The following DRC3 variants were observed in gnomAD, a reference collection of about 807,000 sequenced individuals.
The protein encoded by DRC3 is leucine rich repeat containing 48.
In DRC3, 45 loss-of-function variants were observed where a neutral mutation model predicts 57.6. The ratio of observed to expected loss-of-function variants is 0.78; its 90% confidence interval spans 0.62 to 1.00. The LOEUF (loss-of-function observed/expected upper bound fraction) is 1.00, where lower values mean the gene tolerates loss of function less well. Among genes scored for constraint, DRC3 ranks in the 50% least tolerant of loss-of-function variants. The pLI is 0.00. For missense variants in DRC3, 655 were observed against 675.2 expected (o/e 0.97, Z 0.33); for synonymous variants, 257 against 272.3 (o/e 0.94, Z 0.55).
At chr17:17,988,139 G>A in intron 5 of DRC3, 41 bp downstream of exon 5, 1 of 1,585,684 alleles carries the variant, frequency 6.3e-7, no homozygotes, top group Non-Finnish European at 8.6e-7. Flanking sequence ...CACCTGCAGA[G>A]CCTTGGAGCG....
At chr17:17,988,721 C>T (rs1378575269) in intron 5 of DRC3, among the ~76,000 whole-genome samples, 1 of 152,194 alleles carries the variant, frequency 6.6e-6, no homozygotes, top group Admixed American at 6.5e-5. Context: ...TTGAAGATTC[C>T]TTTTCTGCTT....
At chr17:17,977,932 A>G (rs2042464523) in intron 3 of DRC3, 174 bp downstream of exon 3, 2 of 564,678 alleles carry the variant, frequency 3.5e-6, no homozygotes, top group East Asian at 3.2e-5. Context: ...GTAAAGCGTC[A>G]TACTTAGTGT....
rs779863673 is a variant in DRC3, at chr17:17,983,837, G to T, written c.170G>T (p.Arg57Leu). 1 of 1,611,440 alleles carries T rather than the reference G, an allele frequency of 6.2e-7. No individual in the cohort carries two copies. The highest frequency in any genetic ancestry group is 8.5e-7 in the Non-Finnish European group (1 of 1,178,018). The change falls in exon 4 of 14, where the codon CGC becomes CTC. Residue 57 changes from arginine (R) to leucine (L), a missense_variant. Coordinates refer to ENST00000399187, the MANE Select transcript of DRC3 (RefSeq NM_031294.4). ...SLQLDFRNIL[R>L]IDNLWQFENL... Reference sequence around the variant, plus strand: ...CCTTCCATTATTTCAGACATCCTCCGCATAGACAACCTCTGGCAGTTTGAG... The same window carrying T: ...CCTTCCATTATTTCAGACATCCTCCTCATAGACAACCTCTGGCAGTTTGAG...
intron 6 of DRC3, chr17:17,994,050 T>G: frequency 2.3e-6 from 1 of 428,072 alleles, no homozygotes; most frequent in Non-Finnish European, 4.3e-6. Flanking sequence ...AACCCCAGCC[T>G]GCCACGCTGC....
intron 12 of DRC3, chr17:18,011,511 C>T (rs988416457): frequency 2.8e-5 from 5 of 180,976 alleles, no homozygotes; most frequent in Admixed American, 6.4e-5. Flanking sequence ...CAGGCTGCTG[C>T]GGCTCTGTGC....
intron 3 of DRC3, among the ~76,000 whole-genome samples, chr17:17,979,205 G>T (rs149161799): frequency 6.6e-6 from 1 of 152,150 alleles, no homozygotes; most frequent in Non-Finnish European, 1.5e-5. Flanking sequence ...GCTGGACCCC[G>T]CCTTATCATC....
chr17:17,978,009 C>G (rs1276121720), intron 3 of DRC3: 6 of 380,808 alleles, frequency 1.6e-5, no homozygotes, highest in African/African-American at 1.3e-4. Context: ...ATAAAATTGT[C>G]CCACGCCAAA....
intron 12 of DRC3, among the ~76,000 whole-genome samples, chr17:18,009,014 A>G (rs1300150185): frequency 6.6e-6 from 1 of 152,014 alleles, no homozygotes; most frequent in African/African-American, 2.4e-5. Flanking sequence ...GCTGACCACC[A>G]TTCCTGTGGC....
chr17:17,992,521 A>G (rs1329431714), intron 5 of DRC3, among the ~76,000 whole-genome samples: 2 of 152,070 alleles, frequency 1.3e-5, no homozygotes, highest in African/African-American at 2.4e-5. Flanking sequence ...GTCTCACCAC[A>G]TGGTTCAGCA....
intron 12 of DRC3, among the ~76,000 whole-genome samples, chr17:18,014,563 A>AT (rs1451055719): frequency 2.0e-5 from 3 of 152,166 alleles, no homozygotes; most frequent in Admixed American, 6.5e-5. Flanking sequence ...TTCATAACCA[A>AT]TTCTAATCAT....
At chr17:17,976,688 A>G (rs1465832974) in intron 2 of DRC3, among the ~76,000 whole-genome samples, 2 of 152,126 alleles carry the variant, frequency 1.3e-5, no homozygotes, top group East Asian at 3.8e-4. Context: ...AAAATAAATT[A>G]ATTAAATTAA....
intron 9 of DRC3, among the ~76,000 whole-genome samples, chr17:18,003,312 G>A (rs1039763726): frequency 2.6e-5 from 4 of 151,224 alleles, no homozygotes; most frequent in Admixed American, 1.3e-4. Flanking sequence ...GTGAAACCCC[G>A]TCTCTACTAA....
At chr17:18,011,487 C>A in intron 12 of DRC3, 1 of 188,030 alleles carries the variant, frequency 5.3e-6, no homozygotes, top group South Asian at 7.7e-5. Flanking sequence ...CCCACACTGT[C>A]CCTTGCAAGA....
At position 17,973,890 on chromosome 17, in the gene DRC3, G is replaced by T. The variant is rs1052650555; in HGVS notation, c.-90G>T. The T allele has an allele frequency of 6.6e-6, 1 of 152,252 alleles. No individual in the cohort carries two copies. The highest frequency in any genetic ancestry group is 1.9e-4 in the East Asian group (1 of 5,200). 9.4% of individuals were successfully genotyped at this position (152,252 alleles called of 1,614,324 possible). A position where few individuals can be genotyped will look rare whatever the true frequency, so the allele number is the denominator to read the frequency against. On this transcript the variant is annotated 5_prime_UTR_variant, in exon 2 of 14. Coordinates refer to ENST00000399187, the MANE Select transcript of DRC3 (RefSeq NM_031294.4). ...CTGTTATCTGTGAGGAGGCCACTCC[G>T]TTGACAGTTGTGTAAAACTCTGCTG...
rs1046062123 is a variant in DRC3, at chr17:17,987,214, C to CAAA, written c.278-695_278-693dup. Among the ~76,000 whole-genome samples the CAAA allele has an allele frequency of 3.0e-3, 136 of 44,954 alleles. 1 individual carries two copies. The highest frequency in any genetic ancestry group is 4.9e-3 in the African/African-American group (52 of 10,602). The allele number at this position is 44,954 out of a possible 152,430, so 29.5% of individuals were successfully genotyped here. On this transcript the variant is annotated intron_variant, in intron 4 of 13. Transcript: ENST00000399187. ...TGCACAACAGAGCGAGACCCTGTCTCAAAAAAAAAAAAAAAAAAAAAAAAA... is the reference window on the plus strand; with the variant it reads ...TGCACAACAGAGCGAGACCCTGTCTCAAAAAAAAAAAAAAAAAAAAAAAAAAAA...
chr17:17,992,342 T>C (rs1025148174), intron 5 of DRC3, among the ~76,000 whole-genome samples: 3 of 152,244 alleles, frequency 2.0e-5, no homozygotes, highest in African/African-American at 4.8e-5. Flanking sequence ...CCTATGCTGG[T>C]AACAGCAACT....
chr17:17,983,898 T>TGAGAAGATCGAGGGCCTG lies in DRC3; in HGVS notation c.237_254dup (p.Lys79_Glu84dup), dbSNP rs749884267. The TGAGAAGATCGAGGGCCTG allele has an allele frequency of 1.8e-5, 29 of 1,613,258 alleles. No homozygotes were observed. The highest frequency in any genetic ancestry group is 2.0e-5 in the Non-Finnish European group (24 of 1,179,530). The stretch of plus-strand genomic sequence containing the variant: ...AGCTGCAGCTGGACAATAACATCAT[T>TGAGAAGATCGAGGGCCTG]GAGAAGATCGAGGGCCTGGAGAACC... On this transcript the variant is annotated inframe_insertion, in exon 4 of 14. Coordinates refer to ENST00000399187, the MANE Select transcript of DRC3 (RefSeq NM_031294.4).
At chr17:17,984,068 C>T (rs528107132) in intron 4 of DRC3, 124 bp downstream of exon 4, 36 of 623,688 alleles carry the variant, frequency 5.8e-5, no homozygotes, top group African/African-American at 4.4e-4. Context: ...AGCCAGGGTA[C>T]GGCAGAAGCT....
chr17:17,994,037 G>A (rs887222752), intron 6 of DRC3: 8 of 399,164 alleles, frequency 2.0e-5, no homozygotes, highest in Non-Finnish European at 3.7e-5. Flanking sequence ...AGATGGCCCC[G>A]GGAACCCCAG....
Sources: gnomAD v4.1 joint callset for allele counts (sites outside exome capture counted in the v4.1 genomes callset) on GRCh38, gnomAD v4.1.1 for gene constraint, MANE v1.5 for transcripts, NCBI Gene and HGNC (gene_info 2026-07-23, HGNC 2026-07-21) for gene names.